PTPN14: variants seen among roughly 807,000 people sequenced by gnomAD.
PTPN14 encodes the protein protein tyrosine phosphatase non-receptor type 14.
In PTPN14, 53 loss-of-function variants were observed where a neutral mutation model predicts 126.8. The observed-to-expected ratio is 0.42, with a 90% confidence interval of 0.34 to 0.53. PTPN14 has a LOEUF of 0.53. Among genes scored for constraint, PTPN14 ranks in the 20% least tolerant of loss-of-function variants. PTPN14 has a pLI of 0.08. For missense variants in PTPN14, 1,257 were observed against 1,552.9 expected, an observed-to-expected ratio of 0.81 and a Z score of 3.20; for synonymous variants, 630 against 599.3, an observed-to-expected ratio of 1.05 and a Z score of -0.75.
At chr1:214,388,099 AAAAAC>A (rs995201450) in intron 11 of PTPN14, among the ~76,000 whole-genome samples, 4 of 152,334 alleles carry the variant, frequency 2.6e-5, no homozygotes, top group African/African-American at 9.6e-5. Flanking sequence ...TTTCAGAGAA[AAAAAC>A]AAAACAAAAC....
At chr1:214,403,766 G>C (rs933218365) in intron 5 of PTPN14, among the ~76,000 whole-genome samples, 5 of 152,250 alleles carry the variant, frequency 3.3e-5, no homozygotes, top group Non-Finnish European at 7.3e-5. Context: ...ATGCATTCTT[G>C]AGAAATTGAT....
At chr1:214,412,500 C>T (rs984691599) in intron 4 of PTPN14, among the ~76,000 whole-genome samples, 1 of 152,158 alleles carries the variant, frequency 6.6e-6, no homozygotes, top group Non-Finnish European at 1.5e-5. Context: ...AAAAAATAAA[C>T]GTCAACCTAC....
chr1:214,482,291 A>T (rs988071852), intron 1 of PTPN14, among the ~76,000 whole-genome samples: 12 of 81,420 alleles, frequency 1.5e-4, no homozygotes, highest in African/African-American at 5.0e-4. Flanking sequence ...TAAAGTAGAT[A>T]TCAGGCAAAC....
chr1:214,476,617 C>T (rs1660872905), intron 1 of PTPN14, among the ~76,000 whole-genome samples: 1 of 152,186 alleles, frequency 6.6e-6, no homozygotes, highest in African/African-American at 2.4e-5. Flanking sequence ...TGGGTCTGAG[C>T]ATCCAGCACT....
rs1406386933 is a variant in PTPN14 at position 214,384,034 on chromosome 1, C to G, written c.1821G>C (p.Lys607Asn). 1 of 1,596,508 alleles carries G rather than the reference C, an allele frequency of 6.3e-7. No individual in the cohort carries two copies. The highest frequency in any genetic ancestry group is 2.2e-5 in the East Asian group (1 of 44,660). Reference protein sequence around the residue: ...LVTRKVQLSVKTFQEDSSPVV... With the variant: ...LVTRKVQLSVNTFQEDSSPVV... The stretch of plus-strand genomic sequence containing the variant: ...CCGGAGAGCTGTCCTCTTGGAAGGT[C>G]TTCACCGAGAGCTGCACCTTCCGGG... Residue 607 changes from lysine (K) to asparagine (N), a missense_variant, in exon 13 of 19, where the codon AAG becomes AAC. Physicochemically the swap from Lys to Asn is moderately conservative, Grantham distance 94. Around this residue, in one of 3 missense-constraint regions of PTPN14, gnomAD observed 1,021 missense variants for 1,183.3 expected, o/e 0.86. Coordinates refer to ENST00000366956, the MANE Select transcript of PTPN14 (RefSeq NM_005401.5). The surrounding 1 kb of genome is among the most constrained non-coding windows in gnomAD (Gnocchi z 5.3).
intron 13 of PTPN14, among the ~76,000 whole-genome samples, chr1:214,378,748 A>C (rs1658404426): frequency 6.6e-6 from 1 of 152,204 alleles, no homozygotes; most frequent in African/African-American, 2.4e-5. Context: ...GTCACCTAAG[A>C]TGATCCGCAG....
In PTPN14 at chr1:214,397,956, T is replaced by A. The variant is rs746314677; in HGVS notation, c.715A>T (p.Ile239Phe). ...CTTCCAATTCTGTTCCTCACGAAAATCCCCATAAAGAAAATGCCAAGGTGT... is the reference window on the plus strand; with the variant it reads ...CTTCCAATTCTGTTCCTCACGAAAAACCCCATAAAGAAAATGCCAAGGTGT... ...CVHLGIFFMG[I>F]FVRNRIGRQA... is the part of the protein sequence containing the mutation. Residue 239 changes from isoleucine (I) to phenylalanine (F), a missense_variant, in exon 8 of 19, where the codon ATT (isoleucine) becomes TTT (phenylalanine). Physicochemically the swap from Ile to Phe is conservative, Grantham distance 21 (BLOSUM62 0). Transcript: ENST00000366956. 9 of 1,612,910 alleles carry A rather than the reference T, an allele frequency of 5.6e-6. No individual in the cohort carries two copies. In the Admixed American group the frequency reaches 1.5e-4, roughly 27 times the overall value.
intron 17 of PTPN14, among the ~76,000 whole-genome samples, chr1:214,368,435 G>A (rs1227870648): frequency 6.6e-6 from 1 of 151,912 alleles, no homozygotes; most frequent in Non-Finnish European, 1.5e-5. Context: ...TCCTCACCTC[G>A]GGTGATCCGC....
In PTPN14 at chr1:214,440,436, T is replaced by C. The variant is rs543056499; in HGVS notation, c.344+11369A>G. Among the ~76,000 whole-genome samples the C allele has an allele frequency of 1.2e-3, 190 of 152,316 alleles. 1 individual carries two copies. The highest frequency in any genetic ancestry group is 4.4e-3 in the African/African-American group (181 of 41,570). On this transcript the variant is annotated intron_variant, in intron 3 of 18. Transcript: ENST00000366956. The stretch of plus-strand genomic sequence containing the variant: ...TGAACCTTTTATGGGTAATCAGAGA[T>C]GAGACAGATATTGTGAGCAATAAAG...
intron 1 of PTPN14, among the ~76,000 whole-genome samples, chr1:214,484,772 C>T (rs896961598): frequency 1.3e-5 from 2 of 152,168 alleles, no homozygotes; most frequent in African/African-American, 4.8e-5. Flanking sequence ...GTCTTTATTC[C>T]TCTCCATGCA....
intron 1 of PTPN14, among the ~76,000 whole-genome samples, chr1:214,523,835 G>A (rs1655321321): frequency 6.7e-6 from 1 of 150,334 alleles, no homozygotes; most frequent in Non-Finnish European, 1.5e-5. Flanking sequence ...AATAGTATTT[G>A]AGAGTAATCA....
intron 14 of PTPN14, among the ~76,000 whole-genome samples, chr1:214,377,410 G>A (rs1330385143): frequency 6.6e-6 from 1 of 152,046 alleles, no homozygotes; most frequent in East Asian, 1.9e-4. Context: ...GAGCAGAGAG[G>A]ATAACCATGG....
intron 5 of PTPN14, among the ~76,000 whole-genome samples, chr1:214,409,931 G>C (rs963327199): frequency 1.7e-5 from 2 of 120,028 alleles, no homozygotes; most frequent in Non-Finnish European, 3.9e-5. Flanking sequence ...TCATATGTCT[G>C]TTGGCCTTCT....
intron 3 of PTPN14, among the ~76,000 whole-genome samples, chr1:214,428,971 T>C (rs956493471): frequency 9.8e-5 from 15 of 152,364 alleles, no homozygotes; most frequent in Admixed American, 9.8e-4. Context: ...TTCTGCCATC[T>C]GAAGTTTCTT....
chr1:214,493,101 C>T (rs1397257694), intron 1 of PTPN14, among the ~76,000 whole-genome samples: 1 of 152,018 alleles, frequency 6.6e-6, no homozygotes, highest in Admixed American at 6.6e-5. Flanking sequence ...GAAAGCAAGA[C>T]ATGTTCGGAG....
chr1:214,375,936 T>C (rs1431844266), intron 15 of PTPN14, among the ~76,000 whole-genome samples: 1 of 152,170 alleles, frequency 6.6e-6, no homozygotes, highest in African/African-American at 2.4e-5. Flanking sequence ...TAGAGAGAGT[T>C]ACAGCCCACA....
intron 3 of PTPN14, among the ~76,000 whole-genome samples, chr1:214,449,232 T>G (rs1445606854): frequency 6.6e-6 from 1 of 151,960 alleles, no homozygotes; most frequent in Non-Finnish European, 1.5e-5. Context: ...GGTCTCGATC[T>G]CCTGACCTCG....
In PTPN14 at chr1:214,386,830, C is replaced by G; in HGVS notation, c.1066+14G>C. The G allele has an allele frequency of 6.4e-7, 1 of 1,572,194 alleles. No homozygotes were observed. The highest frequency in any genetic ancestry group is 2.2e-5 in the East Asian group (1 of 44,560). On this transcript the variant is annotated intron_variant, in intron 12 of 18. Transcript: ENST00000366956. ...TTTTTGTCTTAAGAAGGGAGAACGG[C>G]AAGCCAGAGTTACCTTGCGAGGTGT...
At chr1:214,366,764 T>C (rs1658090122) in intron 17 of PTPN14, among the ~76,000 whole-genome samples, 1 of 152,098 alleles carries the variant, frequency 6.6e-6, no homozygotes, top group East Asian at 1.9e-4. Flanking sequence ...CCCAGCACTT[T>C]GGGAGGCCGA....
Sources: allele counts gnomAD v4.1 joint callset (sites outside exome capture counted in the v4.1 genomes callset), GRCh38; gene constraint gnomAD v4.1.1; regional missense constraint gnomAD v4.1.1; non-coding constraint Gnocchi (gnomAD v3.1); transcripts MANE v1.5; gene names NCBI Gene and HGNC (gene_info 2026-07-23, HGNC 2026-07-21).